Variants in VCP observed in about 807,000 individuals in gnomAD.
VCP encodes valosin containing protein.
Under a neutral mutation model 85.7 loss-of-function variants are expected in VCP, and 6 were observed. The observed-to-expected ratio is 0.07, with a 90% CI of 0.04 to 0.14. VCP has a LOEUF of 0.14. VCP is among the 10% of genes least tolerant of loss of function. The pLI, the probability that VCP is intolerant of heterozygous loss-of-function variation, is 1.00. For missense variants in VCP, 353 were observed against 1,043.4 expected (o/e 0.34, Z 9.12); for synonymous variants, 384 against 367.1 (o/e 1.05, Z -0.53).
rs1383007061 is a variant in VCP at position 35,061,758 on chromosome 9, G to A, written c.1082-69C>T. 2.1e-6 allele frequency: 3 copies of A among 1,435,410 alleles called. No individual in the cohort carries two copies. The Admixed American group carries it at 5.0e-5, about 24-fold the overall frequency. The allele number at this position is 1,435,410 out of a possible 1,614,324, so 88.9% of individuals were successfully genotyped here. ...CAGAGGTAAGAGACAGGCCTAGGGT[G>A]ACCAACCATCTCAGCCAGCACAGGA... is the stretch of plus-strand genomic sequence containing the variant. On this transcript the variant is annotated intron_variant, in intron 9 of 16. Transcript: ENST00000358901.
chr9:35,058,548 G>A (rs1307591441), intron 15 of VCP, among the ~76,000 whole-genome samples: 1 of 152,126 alleles, frequency 6.6e-6, no homozygotes, highest in Non-Finnish European at 1.5e-5. Flanking sequence ...ACATCACAAG[G>A]TCAGGAGATC....
intron 7 of VCP, 108 bp from the exon 8 acceptor site, chr9:35,062,458 A>C (rs1284254414): frequency 1.9e-6 from 3 of 1,555,100 alleles, no homozygotes; most frequent in Non-Finnish European, 2.6e-6. Flanking sequence ...CTGGGTGAGA[A>C]GGTGGTAACC....
Position 35,059,446 on chromosome 9 carries a change from C to G in VCP, c.2004+47G>C, listed in dbSNP as rs1161756583. 5 of 1,608,976 alleles carry G rather than the reference C, an allele frequency of 3.1e-6. No individual in the cohort carries two copies. Among genetic ancestry groups the G allele is most frequent in the Non-Finnish European group, 2.5e-6 (3 of 1,177,458 alleles). Reference sequence around the variant, plus strand: ...GAAACTAAAGAGCACTCCGTACCAGCCTGAGGACTCATGCAAGTCTCCCAC... The same window carrying G: ...GAAACTAAAGAGCACTCCGTACCAGGCTGAGGACTCATGCAAGTCTCCCAC... On this transcript the variant is annotated intron_variant, in intron 14 of 16. Coordinates refer to ENST00000358901, the MANE Select transcript of VCP (RefSeq NM_007126.5). This position sits in a 1 kb window ranked among gnomAD's most constrained non-coding sequence, Gnocchi z 4.9.
At chr9:35,058,784 CAAAAAACA>C (rs1228152423) in intron 15 of VCP, among the ~76,000 whole-genome samples, 2 of 145,136 alleles carry the variant, frequency 1.4e-5, no homozygotes, top group Non-Finnish European at 1.6e-5. Flanking sequence ...AAACAAAAAA[CAAAAAACA>C]AAAAAAACCT....
chr9:35,060,010 T>TAGTCCCAGCTACTCAGGAGGCTGA, intron 13 of VCP: 1 of 677,688 alleles, frequency 1.5e-6, no homozygotes, highest in Non-Finnish European at 2.5e-6. Flanking sequence ...CGCATGCCTA[T>TAGTCCCAGCTACTCAGGAGGCTGA]AGTCCCAGCT....
rs890188144 is a variant in VCP at position 35,059,935 on chromosome 9, C to G, written c.1696-134G>C. 39 of 1,110,258 alleles carry G rather than the reference C, an allele frequency of 3.5e-5. No homozygotes were observed. Among genetic ancestry groups the G allele is most frequent in the Non-Finnish European group, 4.8e-5 (36 of 755,342 alleles). The allele number at this position is 1,110,258 out of a possible 1,614,324, so 68.8% of individuals were successfully genotyped here. ...ATCACTTGAGGCCAGAAATCCGAAA[C>G]CAGCATGGGCAACATACTGAGACTT... is the stretch of plus-strand genomic sequence containing the variant. On this transcript the variant is annotated intron_variant, in intron 13 of 16. Transcript: ENST00000358901. The surrounding 1 kb of genome is among the most constrained non-coding windows in gnomAD (Gnocchi z 4.9).
chr9:35,065,120 A>C (rs1190530250), intron 5 of VCP, 131 bp downstream of exon 5: 1 of 1,341,420 alleles, frequency 7.5e-7, no homozygotes. Context: ...TGCCCATCTC[A>C]GTCTCCCAAA....
In VCP at chr9:35,056,867, C is replaced by T. The variant is rs1312538024; in HGVS notation, c.*250G>A. 1.1e-5 allele frequency: 5 copies of T among 475,124 alleles called. No homozygotes were observed. Among genetic ancestry groups the T allele is most frequent in the African/African-American group, 2.0e-5 (1 of 50,824 alleles). The allele number at this position is 475,124 out of a possible 1,614,324, so 29.4% of individuals were successfully genotyped here. A position where few individuals can be genotyped will look rare whatever the true frequency, so the allele number is the denominator to read the frequency against. The stretch of plus-strand genomic sequence containing the variant: ...AAACTACAACAGAAATGGCATAGGC[C>T]CAAGGCCCAATTCCCTGTTGGTAAT... On this transcript the variant is annotated 3_prime_UTR_variant, in exon 17 of 17. Transcript: ENST00000358901.
At chr9:35,061,960 G>A in intron 9 of VCP, 43 bp downstream of exon 9, 3 of 1,613,970 alleles carry the variant, frequency 1.9e-6, no homozygotes, top group Non-Finnish European at 2.5e-6. Flanking sequence ...GAGAGAAGTA[G>A]GACCTAAGCA....
chr9:35,065,866 A>G (rs1828818594), intron 4 of VCP, among the ~76,000 whole-genome samples: 1 of 152,160 alleles, frequency 6.6e-6, no homozygotes, highest in South Asian at 2.1e-4. Flanking sequence ...TGTGTATACA[A>G]ATATATGAAA....
At chr9:35,062,394 T>C (rs1207047445) in intron 7 of VCP, 44 bp from the exon 8 acceptor site, 2 of 1,613,352 alleles carry the variant, frequency 1.2e-6, no homozygotes, top group African/African-American at 2.7e-5. Flanking sequence ...TGATAGTCTT[T>C]CCCAATTCCT....
chr9:35,060,533 GA>G lies in VCP; in HGVS notation c.1483-9del. ...TGGGTGCTCCACAGGATACTAGGAG[GA>G]AAAGGAAAGAGGGTTCAAGGCTACC... On this transcript the variant is annotated splice_polypyrimidine_tract_variant and intron_variant, in intron 12 of 16. Coordinates refer to ENST00000358901, the MANE Select transcript of VCP (RefSeq NM_007126.5). The G allele has an allele frequency of 6.2e-7, 1 of 1,613,568 alleles. No homozygotes were observed. Among genetic ancestry groups the G allele is most frequent in the Non-Finnish European group, 8.5e-7 (1 of 1,179,786 alleles).
At chr9:35,058,740 C>G (rs994250933) in intron 15 of VCP, among the ~76,000 whole-genome samples, 4 of 152,078 alleles carry the variant, frequency 2.6e-5, no homozygotes, top group African/African-American at 4.8e-5. Flanking sequence ...GCACTCCAGT[C>G]TGGGCAACAG....
At chr9:35,066,902 T>C in intron 3 of VCP, 85 bp from the exon 4 acceptor site, 1 of 1,602,940 alleles carries the variant, frequency 6.2e-7, no homozygotes, top group Non-Finnish European at 8.5e-7. Flanking sequence ...CACAGATAGC[T>C]GATAGTAAGT....
chr9:35,059,015 T>C lies in VCP; in HGVS notation c.2160+49A>G. 1 of 1,611,126 alleles carries C rather than the reference T, an allele frequency of 6.2e-7. No homozygotes were observed. Among genetic ancestry groups the C allele is most frequent in the Non-Finnish European group, 8.5e-7 (1 of 1,179,770 alleles). On this transcript the variant is annotated intron_variant, in intron 15 of 16. Coordinates refer to ENST00000358901, the MANE Select transcript of VCP (RefSeq NM_007126.5). The surrounding 1 kb of genome is among the most constrained non-coding windows in gnomAD (Gnocchi z 4.9). ...AACTCCAGGGCATGGTGGTGGCTGC[T>C]GCCTGGCTCTCCATGATTGGCACAT... is the stretch of plus-strand genomic sequence containing the variant.
At chr9:35,069,444 C>CTT (rs35498216) in intron 1 of VCP, among the ~76,000 whole-genome samples, 2,937 of 95,610 alleles carry the variant, frequency 0.031, 70 homozygotes, top group African/African-American at 0.063. Context: ...CTCCCTCTCC[C>CTT]TTTTTTTTTT....
Position 35,060,301 on chromosome 9 carries a change from A to G in VCP, c.1695+12T>C, listed in dbSNP as rs778583473. ...GGCAAATCAATACATAGTTCAGCCTATTGTAGCTCACCTTGTCAAAGATTT... is the reference window on the plus strand; with the variant it reads ...GGCAAATCAATACATAGTTCAGCCTGTTGTAGCTCACCTTGTCAAAGATTT... On this transcript the variant is annotated intron_variant, in intron 13 of 16. Transcript: ENST00000358901. 5.0e-6 allele frequency: 8 copies of G among 1,613,904 alleles called. No individual in the cohort carries two copies. The highest frequency in any genetic ancestry group is 3.3e-5 in the Admixed American group (2 of 60,022).
At chr9:35,057,561 T>C (rs1009483805) in intron 15 of VCP, 31 bp from the exon 16 acceptor site, 84 of 1,603,056 alleles carry the variant, frequency 5.2e-5, no homozygotes, top group Non-Finnish European at 6.9e-5. Context: ...TCACTAGGGC[T>C]AGTTAAAGCC....
chr9:35,072,130 G>GC (rs1828965582), intron 1 of VCP: 1 of 1,375,866 alleles, frequency 7.3e-7, no homozygotes, highest in African/African-American at 1.5e-5. Flanking sequence ...CCCAACGCAA[G>GC]CCCCGCCTAG....
Sources: allele counts gnomAD v4.1 joint callset (sites outside exome capture counted in the v4.1 genomes callset), GRCh38; gene constraint gnomAD v4.1.1; non-coding constraint Gnocchi (gnomAD v3.1); transcripts MANE v1.5; gene names NCBI Gene and HGNC (gene_info 2026-07-23, HGNC 2026-07-21).